The following LRTM3 variants were observed in gnomAD, a reference collection of about 807,000 sequenced individuals.
LRTM3 encodes the protein leucine-rich repeat transmembrane protein 3.
the LRTM3 span, chr13:102,749,508 G>A: frequency 1.9e-6 from 3 of 1,551,350 alleles, no homozygotes; most frequent in African/African-American, 1.4e-5. Context: ...CAAACACAAT[G>A]TTGGTCCTCA....
the LRTM3 span, chr13:102,745,602 T>C: frequency 1.0e-5 from 16 of 1,550,926 alleles, no homozygotes; most frequent in South Asian, 1.8e-4. Flanking sequence ...AAAGTTTTCA[T>C]GTCTGAAAAT....
the LRTM3 span, chr13:102,731,872 C>T: frequency 6.5e-7 from 1 of 1,549,518 alleles, no homozygotes; most frequent in Non-Finnish European, 8.7e-7. Context: ...CTGTGGGTGT[C>T]AGAATGCGTT....
the LRTM3 span, chr13:102,737,506 C>T: frequency 6.4e-7 from 1 of 1,550,552 alleles, no homozygotes. Flanking sequence ...CATCCCTGTT[C>T]CCTTGCTCCT....
the LRTM3 span, chr13:102,737,743 C>A: frequency 6.4e-7 from 1 of 1,550,870 alleles, no homozygotes; most frequent in Non-Finnish European, 8.7e-7. Context: ...CCTCACTGGG[C>A]ACCCCATTTG....
the LRTM3 span, among the ~76,000 whole-genome samples, chr13:102,756,412 A>G: frequency 1.3e-5 from 2 of 151,236 alleles, no homozygotes; most frequent in Non-Finnish European, 2.9e-5. Flanking sequence ...GTGGCTCACG[A>G]CTGTAATCCC....
chr13:102,732,057 TG>T, the LRTM3 span: 1 of 1,551,434 alleles, frequency 6.4e-7, no homozygotes, highest in Non-Finnish European at 8.7e-7. Context: ...ATTTGTTGTT[TG>T]TCCACTGCAA....
chr13:102,744,396 G>C, the LRTM3 span: 1 of 1,550,042 alleles, frequency 6.5e-7, no homozygotes, highest in East Asian at 2.4e-5. Context: ...TTCCTTCTAG[G>C]ATTTTCATCC....
At chr13:102,758,562 G>A in the LRTM3 span, 398 of 1,547,990 alleles carry the variant, frequency 2.6e-4, no homozygotes, top group Middle Eastern at 3.5e-3. Flanking sequence ...TGCTTTTGGG[G>A]CAACTGTCTT....
the LRTM3 span, chr13:102,747,815 T>G: frequency 1.3e-6 from 2 of 1,551,230 alleles, no homozygotes; most frequent in South Asian, 2.4e-5. Context: ...AGAAAGAGTT[T>G]GTGGTTGGAC....
the LRTM3 span, chr13:102,745,810 ACT>A: frequency 6.4e-7 from 1 of 1,551,078 alleles, no homozygotes; most frequent in Non-Finnish European, 8.7e-7. Flanking sequence ...ACCTAACATG[ACT>A]CTCTACCTTT....
At chr13:102,740,011 T>C in the LRTM3 span, 1 of 1,550,470 alleles carries the variant, frequency 6.4e-7, no homozygotes, top group Non-Finnish European at 8.7e-7. Context: ...TCCTAATAAC[T>C]TGTTCTACGC....
At chr13:102,748,951 T>C in the LRTM3 span, 2 of 1,550,680 alleles carry the variant, frequency 1.3e-6, no homozygotes, top group Non-Finnish European at 8.7e-7. Context: ...CTGTATCTGG[T>C]GACTTATTTT....
chr13:102,746,217 G>T, the LRTM3 span: 5 of 1,550,756 alleles, frequency 3.2e-6, no homozygotes, highest in Non-Finnish European at 3.5e-6. Context: ...TCTGATTCAA[G>T]ATGGATTTCC....
At chr13:102,738,404 T>A in the LRTM3 span, 1 of 1,550,786 alleles carries the variant, frequency 6.4e-7, no homozygotes, top group African/African-American at 1.4e-5. Context: ...TGTATCCAGT[T>A]GTAAATGAGA....
chr13:102,736,012 T>C, the LRTM3 span: 3 of 1,549,782 alleles, frequency 1.9e-6, no homozygotes, highest in East Asian at 2.5e-5. Context: ...TTTTGGGGAG[T>C]ATTCTACCTT....
At chr13:102,754,205 C>CA in the LRTM3 span, among the ~76,000 whole-genome samples, 6,563 of 76,390 alleles carry the variant, frequency 0.086, 277 homozygotes, top group African/African-American at 0.19. Context: ...ACTCCATCTC[C>CA]AAAAAAAAAA....
the LRTM3 span, chr13:102,749,434 A>G: frequency 1.3e-6 from 2 of 1,551,384 alleles, no homozygotes; most frequent in Non-Finnish European, 1.7e-6. Context: ...CGAGAAATTC[A>G]GCATTCTTAA....
the LRTM3 span, chr13:102,737,591 A>G: frequency 6.4e-7 from 1 of 1,550,510 alleles, no homozygotes. Flanking sequence ...ATTCAGTGGT[A>G]GGTTCTGTGA....
chr13:102,733,801 G>T, the LRTM3 span: 5 of 1,551,428 alleles, frequency 3.2e-6, no homozygotes, highest in Non-Finnish European at 4.4e-6. Context: ...GCTGGACGCT[G>T]ATCATGAAGT....
Sources: gnomAD v4.1 joint callset for allele counts (sites outside exome capture counted in the v4.1 genomes callset) on GRCh38, gnomAD v4.1.1 for gene constraint, MANE v1.5 for transcripts, NCBI Gene and HGNC (gene_info 2026-07-23, HGNC 2026-07-21) for gene names.